ATCAY: variants seen among roughly 807,000 people sequenced by gnomAD.
ATCAY encodes caytaxin.
In ATCAY, 22 loss-of-function variants were observed where a neutral mutation model predicts 47.7. The observed-to-expected ratio is 0.46, with a 90% confidence interval of 0.33 to 0.66. ATCAY has a LOEUF of 0.66. Among genes scored for constraint, ATCAY ranks in the 30% least tolerant of loss-of-function variants. The pLI, the probability that ATCAY is intolerant of heterozygous loss-of-function variation, is 0.02. For missense variants in ATCAY, 452 were observed against 515.0 expected, an observed-to-expected ratio of 0.88 and a Z score of 1.18; for synonymous variants, 216 against 207.6, an observed-to-expected ratio of 1.04 and a Z score of -0.35.
chr19:3,884,833 A>G (rs2038633776), intron 1 of ATCAY, among the ~76,000 whole-genome samples: 1 of 151,898 alleles, frequency 6.6e-6, no homozygotes, highest in African/African-American at 2.4e-5. Flanking sequence ...ACAGTGGTTT[A>G]CCCTTGTAAT....
intron 2 of ATCAY, among the ~76,000 whole-genome samples, chr19:3,889,676 C>T (rs1021922281): frequency 1.3e-5 from 2 of 152,138 alleles, no homozygotes; most frequent in African/African-American, 4.8e-5. Flanking sequence ...TGGAATCGGA[C>T]GCCCATGGTT....
chr19:3,917,821 G>C (rs2038979512), intron 10 of ATCAY, 44 bp downstream of exon 10: 3 of 1,601,196 alleles, frequency 1.9e-6, no homozygotes, highest in Middle Eastern at 1.8e-4. Flanking sequence ...CGGGGCAGCG[G>C]GGGGCTGAGC....
chr19:3,907,840 G>A lies in ATCAY; in HGVS notation c.465G>A (p.Arg155=). 1 of 1,613,990 alleles carries A rather than the reference G, an allele frequency of 6.2e-7. No homozygotes were observed. Among genetic ancestry groups the A allele is most frequent in the Non-Finnish European group, 8.5e-7 (1 of 1,179,862 alleles). The part of the protein sequence containing the change: ...DGSAANGRLW[R]TVIIGEQEHR... ...GCGCCGCCAACGGGCGCCTGTGGCG[G>A]ACAGTGATCATCGGGGAGCAAGAGC... Residue 155 remains arginine (R), a synonymous_variant, in exon 5 of 13, where the codon CGG becomes CGA. Coordinates refer to ENST00000450849, the MANE Select transcript of ATCAY (RefSeq NM_033064.5). This position sits in a 1 kb window ranked among gnomAD's most constrained non-coding sequence, Gnocchi z 5.1.
intron 4 of ATCAY, among the ~76,000 whole-genome samples, chr19:3,906,529 C>T (rs1236166814): frequency 1.3e-5 from 2 of 151,884 alleles, no homozygotes; most frequent in Non-Finnish European, 2.9e-5. Context: ...TCTCAAACTC[C>T]TGACTTCAAG....
At chr19:3,882,290 G>T (rs985649026) in intron 1 of ATCAY, among the ~76,000 whole-genome samples, 1 of 152,092 alleles carries the variant, frequency 6.6e-6, no homozygotes, top group Admixed American at 6.6e-5. Context: ...GGGATTACAC[G>T]TGTGAGCCAC....
In ATCAY at chr19:3,906,170, C is replaced by CAAA. The variant is rs71339081; in HGVS notation, c.358+528_358+530dup. On this transcript the variant is annotated intron_variant, in intron 4 of 12. Coordinates refer to ENST00000450849, the MANE Select transcript of ATCAY (RefSeq NM_033064.5). ...TGGGCGACAGAGCGAGACTCCGTCT[C>CAAA]AAAAAAAAAAAAAAAGAGAGAGAGA... 6.1e-3 allele frequency among the ~76,000 whole-genome samples: 458 copies of CAAA among 75,188 alleles called. 3 individuals are homozygous for CAAA. The highest frequency in any genetic ancestry group is 0.017 in the African/African-American group (429 of 24,564). The allele number at this position is 75,188 out of a possible 152,430, so 49.3% of individuals were successfully genotyped here.
chr19:3,917,041 C>T (rs1020504505), intron 9 of ATCAY, among the ~76,000 whole-genome samples: 1 of 151,804 alleles, frequency 6.6e-6, no homozygotes, highest in Non-Finnish European at 1.5e-5. Context: ...CTCCTGAACT[C>T]AGTGATCTGC....
At chr19:3,917,624 G>GAAAAAAAAAAAA in intron 9 of ATCAY, 118 bp from the exon 10 acceptor site, 1 of 379,424 alleles carries the variant, frequency 2.6e-6, no homozygotes, top group Non-Finnish European at 4.7e-6. Context: ...AGAAGAAGAA[G>GAAAAAAAAAAAA]AAGAAAAGAA....
intron 2 of ATCAY, among the ~76,000 whole-genome samples, chr19:3,890,717 C>A (rs1401938806): frequency 6.6e-6 from 1 of 152,158 alleles, no homozygotes. Flanking sequence ...GGATTTCTTA[C>A]AGCTGCAAGG....
At chr19:3,903,035 G>A (rs986813761) in intron 3 of ATCAY, among the ~76,000 whole-genome samples, 5 of 152,118 alleles carry the variant, frequency 3.3e-5, no homozygotes, top group Non-Finnish European at 7.4e-5. Flanking sequence ...GTGCAGTGGC[G>A]TGATCATGGC....
rs374642678 is a variant in ATCAY at position 3,908,390 on chromosome 19, G to A, written c.647+20G>A. 1.9e-4 allele frequency: 292 copies of A among 1,556,422 alleles called. 1 individual carries two copies. The Middle Eastern group carries it at 3.0e-3, about 16-fold the overall frequency. On this transcript the variant is annotated intron_variant, in intron 6 of 12. Transcript: ENST00000450849. ...CTTCCTGTGAGTCCCCGCCCGCGGCGAGCAGCCTCGGGCCAGCTCTGATGC... is the reference window on the plus strand; with the variant it reads ...CTTCCTGTGAGTCCCCGCCCGCGGCAAGCAGCCTCGGGCCAGCTCTGATGC...
chr19:3,891,888 T>TTTTA (rs1233344763), intron 2 of ATCAY, among the ~76,000 whole-genome samples: 9 of 151,488 alleles, frequency 5.9e-5, no homozygotes, highest in Non-Finnish European at 1.2e-4. Flanking sequence ...TTCTGGGGGG[T>TTTTA]TTTATTTATT....
intron 8 of ATCAY, 73 bp downstream of exon 8, chr19:3,910,962 TGTGTGTG>T: frequency 6.8e-7 from 1 of 1,470,784 alleles, no homozygotes; most frequent in Non-Finnish European, 9.5e-7. Context: ...TGCATGCATT[TGTGTGTG>T]CATGTGTGCA....
At chr19:3,889,739 G>A (rs988686694) in intron 2 of ATCAY, among the ~76,000 whole-genome samples, 1 of 152,076 alleles carries the variant, frequency 6.6e-6, no homozygotes, top group Non-Finnish European at 1.5e-5. Flanking sequence ...ACCTCTTTGG[G>A]CATCTCAGTG....
chr19:3,890,544 C>T (rs2038708334), intron 2 of ATCAY, among the ~76,000 whole-genome samples: 1 of 151,972 alleles, frequency 6.6e-6, no homozygotes, highest in South Asian at 2.1e-4. Flanking sequence ...ATTACAGGCG[C>T]AAGCCACCAC....
At chr19:3,894,356 C>T (rs2038745924) in intron 2 of ATCAY, among the ~76,000 whole-genome samples, 1 of 151,606 alleles carries the variant, frequency 6.6e-6, no homozygotes. Flanking sequence ...TGGTGGCAGG[C>T]GCCTGTAGTC....
At chr19:3,881,875 C>CACA (rs1555765216) in intron 1 of ATCAY, among the ~76,000 whole-genome samples, 3 of 145,932 alleles carry the variant, frequency 2.1e-5, no homozygotes, top group African/African-American at 7.8e-5. Context: ...CGCCCCCCCC[C>CACA]CGACCCCATA....
Position 3,890,247 on chromosome 19 carries a change from A to ATTTTTTT in ATCAY, c.77+4429_77+4435dup, listed in dbSNP as rs764697276. Among the ~76,000 whole-genome samples the ATTTTTTT allele has an allele frequency of 5.2e-4, 20 of 38,570 alleles. 3 individuals are homozygous for ATTTTTTT. The highest frequency in any genetic ancestry group is 1.6e-3 in the African/African-American group (12 of 7,566). The allele number at this position is 38,570 out of a possible 152,430, so 25.3% of individuals were successfully genotyped here. ...GCCATTGGGCCCAGCTCCACCTATA[A>ATTTTTTT]TTTTTTTTTTTTTTTTTTTTTTTTT... is the stretch of plus-strand genomic sequence containing the variant. On this transcript the variant is annotated intron_variant, in intron 2 of 12. Transcript: ENST00000450849.
At chr19:3,900,799 G>T (rs2038809282) in intron 2 of ATCAY, among the ~76,000 whole-genome samples, 1 of 151,540 alleles carries the variant, frequency 6.6e-6, no homozygotes. Flanking sequence ...GCCTCCCAAA[G>T]TGCTGGGATT....
Sources: gnomAD v4.1 joint callset for allele counts (sites outside exome capture counted in the v4.1 genomes callset) on GRCh38, gnomAD v4.1.1 for gene constraint, Gnocchi (gnomAD v3.1) non-coding constraint, MANE v1.5 for transcripts, NCBI Gene and HGNC (gene_info 2026-07-23, HGNC 2026-07-21) for gene names.